Variants in CSMD1 observed in about 807,000 individuals in gnomAD.
CSMD1 encodes the protein CUB and sushi domain-containing protein 1.
A neutral mutation model predicts 417.5 loss-of-function variants in CSMD1; 213 were observed. That is an observed-to-expected ratio of 0.51 (90% CI 0.46 to 0.57). CSMD1 has a LOEUF of 0.57. Ranked by LOEUF, CSMD1 falls within the 20% of genes least tolerant of loss-of-function variation. The pLI, the probability that CSMD1 is intolerant of heterozygous loss-of-function variation, is 0.00. For synonymous variants in CSMD1, 2,862 were observed against 1,736.8 expected (o/e 1.65, Z -16.11); for missense variants, 6,923 against 4,529.7 (o/e 1.53, Z -15.17).
intron 4 of CSMD1, among the ~76,000 whole-genome samples, chr8:4,017,159 C>A (rs1796562920): frequency 6.6e-6 from 1 of 152,190 alleles, no homozygotes; most frequent in African/African-American, 2.4e-5. Context: ...CTGCAATACA[C>A]TTTTGTGTAT....
chr8:3,410,928 G>A (rs1812660695), intron 12 of CSMD1, among the ~76,000 whole-genome samples: 1 of 152,086 alleles, frequency 6.6e-6, no homozygotes, highest in African/African-American at 2.4e-5. Context: ...AGAGATGGAT[G>A]GAGGAGGAGG....
chr8:3,483,322 C>A (rs1817849121), intron 11 of CSMD1, among the ~76,000 whole-genome samples: 1 of 151,898 alleles, frequency 6.6e-6, no homozygotes, highest in Non-Finnish European at 1.5e-5. Context: ...ATTCATCAGC[C>A]ATCACAAAGA....
intron 1 of CSMD1, among the ~76,000 whole-genome samples, chr8:4,862,252 T>C (rs1175836584): frequency 6.6e-6 from 1 of 152,010 alleles, no homozygotes. Context: ...GTGAACGAGA[T>C]GAGCTCACAG....
rs535531658 is a variant in CSMD1 at position 4,397,098 on chromosome 8, TAAG to T, written c.415+22852_415+22854del. 2.1e-3 allele frequency among the ~76,000 whole-genome samples: 318 copies of T among 152,212 alleles called. 2 individuals carry two copies. The highest frequency in any genetic ancestry group is 0.018 in the South Asian group (87 of 4,810). On this transcript the variant is annotated intron_variant, in intron 3 of 69. Transcript: ENST00000635120. ...CACACTTCCCCATCTCTCTTTTCCC[TAAG>T]AAGAGTATATAACCATCTGCACGCC... is the stretch of plus-strand genomic sequence containing the variant.
At chr8:3,991,768 G>A (rs940152) in intron 5 of CSMD1, among the ~76,000 whole-genome samples, 76,885 of 151,916 alleles carry the variant, frequency 0.51, 19,591 homozygotes, top group East Asian at 0.73. Flanking sequence ...TTTTTTAAAA[G>A]GAGGAGGAAA....
chr8:3,269,102 A>G (rs1040544544), intron 26 of CSMD1, among the ~76,000 whole-genome samples: 1 of 152,246 alleles, frequency 6.6e-6, no homozygotes, highest in African/African-American at 2.4e-5. Flanking sequence ...CCAGTATACA[A>G]GACTTAGAAC....
At chr8:4,320,637 C>T (rs1799219821) in intron 3 of CSMD1, among the ~76,000 whole-genome samples, 1 of 152,082 alleles carries the variant, frequency 6.6e-6, no homozygotes, top group Non-Finnish European at 1.5e-5. Context: ...TGTTACTTTG[C>T]TGAGAATGAT....
rs1223910799 is a variant in CSMD1 at position 3,924,987 on chromosome 8, T to C, written c.818+72916A>G. 3.9e-5 allele frequency among the ~76,000 whole-genome samples: 6 copies of C among 152,202 alleles called. No individual in the cohort carries two copies. The East Asian group carries it at 9.6e-4, about 24-fold the overall frequency. ...CTTAGCATTTGAAGCAGTATTTCTTTAGTCCTTGCTGACTGGTAAGAGAAA... is the reference window on the plus strand; with the variant it reads ...CTTAGCATTTGAAGCAGTATTTCTTCAGTCCTTGCTGACTGGTAAGAGAAA... On this transcript the variant is annotated intron_variant, in intron 5 of 69. Coordinates refer to ENST00000635120, the MANE Select transcript of CSMD1 (RefSeq NM_033225.6).
chr8:4,639,510 C>G (rs1054723395), intron 1 of CSMD1, among the ~76,000 whole-genome samples: 1 of 152,172 alleles, frequency 6.6e-6, no homozygotes, highest in Non-Finnish European at 1.5e-5. Context: ...CTCGCAAAAA[C>G]TGTCTATGTT....
At chr8:3,457,004 T>A (rs1016582430) in intron 12 of CSMD1, among the ~76,000 whole-genome samples, 15 of 151,476 alleles carry the variant, frequency 9.9e-5, no homozygotes, top group African/African-American at 3.6e-4. Context: ...TTGTACTCCT[T>A]CCCTTGCACA....
chr8:3,377,085 T>G (rs1352943679), intron 18 of CSMD1, among the ~76,000 whole-genome samples: 1 of 152,208 alleles, frequency 6.6e-6, no homozygotes, highest in African/African-American at 2.4e-5. Context: ...CTTGGCTCTC[T>G]GCAGCCTTGA....
At chr8:3,642,342 T>C (rs1753867749) in intron 7 of CSMD1, among the ~76,000 whole-genome samples, 1 of 152,098 alleles carries the variant, frequency 6.6e-6, no homozygotes, top group South Asian at 2.1e-4. Flanking sequence ...CTTGGTGCTG[T>C]GGGGAGAAAG....
intron 5 of CSMD1, among the ~76,000 whole-genome samples, chr8:3,945,940 T>G (rs1373324945): frequency 1.3e-5 from 2 of 152,278 alleles, no homozygotes; most frequent in South Asian, 4.1e-4. Context: ...ATCATGATTA[T>G]TATTACTAAT....
At chr8:4,625,767 A>G (rs971040443) in intron 2 of CSMD1, among the ~76,000 whole-genome samples, 2 of 152,138 alleles carry the variant, frequency 1.3e-5, no homozygotes, top group African/African-American at 4.8e-5. Flanking sequence ...TCTGTCGCCC[A>G]GGTTGGAGTG....
At chr8:4,648,844 G>A (rs77377805) in intron 1 of CSMD1, among the ~76,000 whole-genome samples, 2,132 of 152,188 alleles carry the variant, frequency 0.014, 47 homozygotes, top group East Asian at 0.098. Context: ...ATAGTTGGTC[G>A]GGAAGTATGC....
chr8:4,476,614 T>A (rs1047631156), intron 2 of CSMD1, among the ~76,000 whole-genome samples: 2 of 152,190 alleles, frequency 1.3e-5, no homozygotes, highest in Non-Finnish European at 2.9e-5. Flanking sequence ...CACTGAGGGT[T>A]TGAGACTGCC....
chr8:4,898,424 A>G (rs1804645870), intron 1 of CSMD1, among the ~76,000 whole-genome samples: 1 of 152,186 alleles, frequency 6.6e-6, no homozygotes, highest in Non-Finnish European at 1.5e-5. Context: ...TGACTGGGTG[A>G]TGGTCACAGA....
At chr8:3,888,821 A>C (rs1038616391) in intron 5 of CSMD1, among the ~76,000 whole-genome samples, 2 of 152,146 alleles carry the variant, frequency 1.3e-5, no homozygotes, top group Non-Finnish European at 2.9e-5. Flanking sequence ...TAAGAAAGGT[A>C]CTATTCTAGA....
intron 1 of CSMD1, among the ~76,000 whole-genome samples, chr8:4,977,550 G>A (rs958532124): frequency 6.6e-6 from 1 of 152,170 alleles, no homozygotes; most frequent in Admixed American, 6.5e-5. Flanking sequence ...GGAACACAGC[G>A]CACAGTGGCT....
Sources: allele counts gnomAD v4.1 joint callset (sites outside exome capture counted in the v4.1 genomes callset), GRCh38; gene constraint gnomAD v4.1.1; transcripts MANE v1.5; gene names NCBI Gene and HGNC (gene_info 2026-07-23, HGNC 2026-07-21).